SV2C: variants seen among roughly 807,000 people sequenced by gnomAD.
SV2C encodes synaptic vesicle glycoprotein 2C.
SV2C carries 49 observed loss-of-function variants against 79.7 expected under a neutral mutation model. That is an observed-to-expected ratio of 0.61 (90% CI 0.49 to 0.78). The LOEUF (loss-of-function observed/expected upper bound fraction) is 0.78, where lower values mean the gene tolerates loss of function less well. Ranked by LOEUF, SV2C falls within the 30% of genes least tolerant of loss-of-function variation. SV2C has a pLI of 0.00. For synonymous variants in SV2C, 334 were observed against 333.2 expected (o/e 1.00, Z -0.03); for missense variants, 833 against 912.9 (o/e 0.91, Z 1.13).
In SV2C at chr5:76,126,083, T is replaced by C. The variant is rs1311100486; in HGVS notation, c.-101-5567T>C. ...CAAACAAAAAACCCAATAACATTAC[T>C]TTATGGTGTTCCTTTTTACTAGTTT... On this transcript the variant is annotated intron_variant, in intron 1 of 12. Transcript: ENST00000502798. 2.0e-5 allele frequency among the ~76,000 whole-genome samples: 3 copies of C among 152,164 alleles called. No individual in the cohort carries two copies. In the East Asian group the frequency reaches 5.8e-4, roughly 29 times the overall value.
At chr5:75,905,645 A>G in the SV2C span, among the ~76,000 whole-genome samples, 4 of 152,082 alleles carry the variant, frequency 2.6e-5, no homozygotes, top group Non-Finnish European at 4.4e-5. Flanking sequence ...CCAGTCTCCC[A>G]GCTGGTGGTG....
chr5:75,853,407 C>T, the SV2C span, among the ~76,000 whole-genome samples: 2 of 150,704 alleles, frequency 1.3e-5, no homozygotes, highest in Non-Finnish European at 3.0e-5. Flanking sequence ...ATACAAAAAA[C>T]TAGCCGGGCG....
intron 4 of SV2C, among the ~76,000 whole-genome samples, chr5:76,217,908 T>C (rs1744950898): frequency 6.6e-6 from 1 of 152,214 alleles, no homozygotes; most frequent in African/African-American, 2.4e-5. Flanking sequence ...TAAAGACCCA[T>C]TTTCAAGGCC....
At chr5:76,117,207 TATATATC>T (rs1449374656) in intron 1 of SV2C, among the ~76,000 whole-genome samples, 1 of 152,214 alleles carries the variant, frequency 6.6e-6, no homozygotes, top group Non-Finnish European at 1.5e-5. Flanking sequence ...TGTGGCCAAT[TATATATC>T]ATGGTTTTGA....
intron 4 of SV2C, among the ~76,000 whole-genome samples, chr5:76,247,278 G>T (rs139729969): frequency 5.9e-5 from 9 of 151,998 alleles, no homozygotes; most frequent in Non-Finnish European, 1.3e-4. Context: ...ATGACCTGCC[G>T]TGTGCAACAG....
chr5:76,090,004 CT>C (rs1169605200), intron 1 of SV2C, among the ~76,000 whole-genome samples: 1 of 152,144 alleles, frequency 6.6e-6, no homozygotes, highest in African/African-American at 2.4e-5. Context: ...GAGAGGATAC[CT>C]TTTTGATGTA....
At chr5:75,972,721 T>C in the SV2C span, among the ~76,000 whole-genome samples, 5 of 152,070 alleles carry the variant, frequency 3.3e-5, no homozygotes, top group Non-Finnish European at 1.5e-5. Flanking sequence ...ACTTTTACAC[T>C]CTTGGTGGGA....
intron 1 of SV2C, among the ~76,000 whole-genome samples, chr5:76,114,686 G>A (rs10054931): frequency 0.2 from 29,762 of 152,214 alleles, 3,136 homozygotes; most frequent in East Asian, 0.42. Flanking sequence ...ACCCCAGGGT[G>A]TGTAGCTCAG....
At chr5:76,276,201 G>C (rs1580011917) in intron 4 of SV2C, among the ~76,000 whole-genome samples, 1 of 152,214 alleles carries the variant, frequency 6.6e-6, no homozygotes, top group Non-Finnish European at 1.5e-5. Context: ...GCTGAGTAGT[G>C]ATGGTTGTCA....
chr5:75,960,560 T>C, the SV2C span, among the ~76,000 whole-genome samples: 2 of 151,990 alleles, frequency 1.3e-5, no homozygotes, highest in Admixed American at 6.6e-5. Context: ...CAAAAAGCAA[T>C]AGGCTATCCC....
chr5:76,152,405 T>C (rs1407319500), intron 2 of SV2C, among the ~76,000 whole-genome samples: 4 of 152,220 alleles, frequency 2.6e-5, no homozygotes, highest in Admixed American at 6.5e-5. Flanking sequence ...TGTAGCCATT[T>C]GGGTCATTAA....
At position 76,325,944 on chromosome 5, in the gene SV2C, A is replaced by G. The variant is rs1748982902; in HGVS notation, c.*397A>G. ...ACATTAACAGGAAATATAAGTCGGC[A>G]CATTATTGCATTTGTGCTGAGAAGA... On this transcript the variant is annotated 3_prime_UTR_variant, in exon 13 of 13. Transcript: ENST00000502798. The G allele has an allele frequency of 6.2e-6, 1 of 161,520 alleles. No homozygotes were observed. Among genetic ancestry groups the G allele is most frequent in the Non-Finnish European group, 1.3e-5 (1 of 74,704 alleles). 10.0% of individuals were successfully genotyped at this position (161,520 alleles called of 1,614,324 possible). A position where few individuals can be genotyped will look rare whatever the true frequency, so the allele number is the denominator to read the frequency against.
chr5:76,024,728 CAA>C, the SV2C span, among the ~76,000 whole-genome samples: 1 of 152,052 alleles, frequency 6.6e-6, no homozygotes. Context: ...CCACATAGAC[CAA>C]ATTCAGGCAT....
intron 1 of SV2C, among the ~76,000 whole-genome samples, chr5:76,129,897 A>T (rs1175107142): frequency 6.6e-6 from 1 of 152,162 alleles, no homozygotes; most frequent in Non-Finnish European, 1.5e-5. Context: ...TGATGTGGTC[A>T]TCCGTTCAAT....
intron 9 of SV2C, among the ~76,000 whole-genome samples, chr5:76,297,967 T>C (rs1267168594): frequency 6.6e-6 from 1 of 152,124 alleles, no homozygotes; most frequent in East Asian, 1.9e-4. Context: ...TTAATGAATA[T>C]TTATCTGTGT....
At chr5:76,346,535 G>A (rs1018013639) in intron 12 of SV2C, among the ~76,000 whole-genome samples, 1 of 152,152 alleles carries the variant, frequency 6.6e-6, no homozygotes, top group Non-Finnish European at 1.5e-5. Context: ...AGAAGGGAGA[G>A]GTCTTAGCAA....
chr5:76,206,128 G>A (rs541038368), intron 3 of SV2C, among the ~76,000 whole-genome samples: 1 of 152,288 alleles, frequency 6.6e-6, no homozygotes, highest in East Asian at 1.9e-4. Flanking sequence ...TATTGAGGTA[G>A]AATCATAATG....
chr5:75,965,498 ACACT>A, the SV2C span, among the ~76,000 whole-genome samples: 679 of 152,292 alleles, frequency 4.5e-3, 8 homozygotes, highest in African/African-American at 0.015. Context: ...CAGTGAAAAG[ACACT>A]CTCTCTTAAC....
chr5:75,883,120 G>C, the SV2C span, among the ~76,000 whole-genome samples: 3 of 143,420 alleles, frequency 2.1e-5, no homozygotes, highest in African/African-American at 5.5e-5. Context: ...TCAGAGAAAT[G>C]CAAATCAAAA....
Sources: gnomAD v4.1 joint callset for allele counts (sites outside exome capture counted in the v4.1 genomes callset) on GRCh38, gnomAD v4.1.1 for gene constraint, MANE v1.5 for transcripts, NCBI Gene and HGNC (gene_info 2026-07-23, HGNC 2026-07-21) for gene names.